The following GDPD1 variants were observed in gnomAD, a reference collection of about 807,000 sequenced individuals.
The protein encoded by GDPD1 is lysophospholipase D GDPD1.
A neutral mutation model predicts 45.1 loss-of-function variants in GDPD1; 28 were observed. That is an observed-to-expected ratio of 0.62 (90% CI 0.46 to 0.85). The LOEUF (loss-of-function observed/expected upper bound fraction) is 0.85, where lower values mean the gene tolerates loss of function less well. GDPD1 is among the 40% of genes least tolerant of loss of function. GDPD1 has a pLI of 0.00. For missense variants in GDPD1, 256 were observed against 364.8 expected, an observed-to-expected ratio of 0.70 and a Z score of 2.43; for synonymous variants, 139 against 131.4, an observed-to-expected ratio of 1.06 and a Z score of -0.40.
chr17:59,249,111 G>T (rs1415855249), intron 4 of GDPD1: 2 of 171,446 alleles, frequency 1.2e-5, no homozygotes, highest in South Asian at 1.6e-4. Context: ...AATGAAAAGG[G>T]CTGGGCACAG....
At chr17:59,247,910 G>GATTA (rs1424735438) in intron 3 of GDPD1, among the ~76,000 whole-genome samples, 1 of 152,060 alleles carries the variant, frequency 6.6e-6, no homozygotes, top group East Asian at 1.9e-4. Context: ...GATTATAGGG[G>GATTA]TGAGCCACTG....
At chr17:59,226,513 G>A (rs1239349274) in intron 1 of GDPD1, among the ~76,000 whole-genome samples, 1 of 152,016 alleles carries the variant, frequency 6.6e-6, no homozygotes. Context: ...TAATGTATTT[G>A]TTTCTGCATA....
intron 1 of GDPD1, among the ~76,000 whole-genome samples, chr17:59,222,165 A>G (rs1461608587): frequency 6.6e-6 from 1 of 152,058 alleles, no homozygotes; most frequent in African/African-American, 2.4e-5. Flanking sequence ...GCTGTCACAG[A>G]AGCAATTTTC....
chr17:59,233,667 A>G (rs771449313), intron 1 of GDPD1, among the ~76,000 whole-genome samples: 2 of 152,038 alleles, frequency 1.3e-5, no homozygotes, highest in Non-Finnish European at 2.9e-5. Flanking sequence ...TTATTTTTTC[A>G]TTGCATTAGT....
intron 2 of GDPD1, among the ~76,000 whole-genome samples, chr17:59,238,885 A>C (rs1441652808): frequency 6.6e-6 from 1 of 152,176 alleles, no homozygotes; most frequent in African/African-American, 2.4e-5. Context: ...AAGGAGACAG[A>C]GCCTCCTTCA....
At chr17:59,232,467 T>G (rs1483182337) in intron 1 of GDPD1, among the ~76,000 whole-genome samples, 1 of 151,818 alleles carries the variant, frequency 6.6e-6, no homozygotes, top group African/African-American at 2.4e-5. Flanking sequence ...AAAAAAAAAT[T>G]TGTCAGTACA....
intron 4 of GDPD1, among the ~76,000 whole-genome samples, chr17:59,250,613 CAAAAA>C (rs34031181): frequency 4.9e-5 from 5 of 102,274 alleles, no homozygotes; most frequent in Admixed American, 4.4e-4. Context: ...GACCTTGTCT[CAAAAA>C]AAAAAAAAAA....
chr17:59,252,554 C>T (rs1023958933), intron 4 of GDPD1, among the ~76,000 whole-genome samples: 4 of 151,796 alleles, frequency 2.6e-5, no homozygotes, highest in African/African-American at 9.7e-5. Context: ...AAAAATTAGC[C>T]AATTGTGGTG....
chr17:59,260,889 C>T (rs761810603), intron 6 of GDPD1: 10 of 152,218 alleles, frequency 6.6e-5, no homozygotes, highest in Non-Finnish European at 1.3e-4. Flanking sequence ...GGCAAGCCTT[C>T]CTTCCTAACA....
intron 1 of GDPD1, among the ~76,000 whole-genome samples, chr17:59,225,288 A>G (rs1271705070): frequency 6.6e-6 from 1 of 151,544 alleles, no homozygotes. Flanking sequence ...TATTTTTAGT[A>G]GAGATGGGTT....
chr17:59,268,310 C>T lies in GDPD1; in HGVS notation c.710+1136C>T, dbSNP rs1199837734. The stretch of plus-strand genomic sequence containing the variant: ...CACTTTTCATGGCCGGGCGCGGTGG[C>T]TCACGCCTGTAATCCCAGCACTTTG... On this transcript the variant is annotated intron_variant, in intron 7 of 9. Transcript: ENST00000284116. Among the ~76,000 whole-genome samples, 5 of 152,116 alleles carry T rather than the reference C, an allele frequency of 3.3e-5. No individual in the cohort carries two copies. In the East Asian group the frequency reaches 9.7e-4, roughly 30 times the overall value.
At chr17:59,255,698 G>A (rs561854088) in intron 4 of GDPD1, among the ~76,000 whole-genome samples, 130 of 125,320 alleles carry the variant, frequency 1.0e-3, no homozygotes, top group Non-Finnish European at 1.8e-3. Context: ...AGCCGAGATC[G>A]CACTATCGCA....
chr17:59,223,780 A>C (rs1404477094), intron 1 of GDPD1, among the ~76,000 whole-genome samples: 3 of 152,170 alleles, frequency 2.0e-5, no homozygotes, highest in African/African-American at 7.2e-5. Flanking sequence ...CTGCAAAAAC[A>C]CATGTCTGTA....
chr17:59,244,270 C>T (rs1241165080), intron 2 of GDPD1, among the ~76,000 whole-genome samples: 1 of 152,194 alleles, frequency 6.6e-6, no homozygotes, highest in Non-Finnish European at 1.5e-5. Flanking sequence ...CCTGCCGCTA[C>T]TTGGGAGGGG....
chr17:59,245,187 G>A (rs1020250571), intron 2 of GDPD1, among the ~76,000 whole-genome samples: 2 of 152,082 alleles, frequency 1.3e-5, no homozygotes, highest in African/African-American at 4.8e-5. Context: ...ATTATATTCA[G>A]TTGAAGAATT....
Position 59,220,542 on chromosome 17 carries a change from G to T in GDPD1, c.-68G>T. On this transcript the variant is annotated 5_prime_UTR_variant, in exon 1 of 10. Transcript: ENST00000284116. ...ACCTCGAGCAGCCGCCGCCGCCGCCGTCGTTGCTACTGCCGCAGCGGAGTT... is the reference window on the plus strand; with the variant it reads ...ACCTCGAGCAGCCGCCGCCGCCGCCTTCGTTGCTACTGCCGCAGCGGAGTT... 6.5e-7 allele frequency: 1 copy of T among 1,549,030 alleles called. No individual in the cohort carries two copies. Among genetic ancestry groups the T allele is most frequent in the Non-Finnish European group, 8.8e-7 (1 of 1,140,996 alleles).
chr17:59,251,635 T>C (rs1305172392), intron 4 of GDPD1, among the ~76,000 whole-genome samples: 2 of 152,176 alleles, frequency 1.3e-5, no homozygotes, highest in African/African-American at 2.4e-5. Context: ...ATTCATCTCA[T>C]GTCATAATTG....
At chr17:59,254,543 A>T (rs557055264) in intron 4 of GDPD1, among the ~76,000 whole-genome samples, 8 of 151,898 alleles carry the variant, frequency 5.3e-5, no homozygotes, top group Non-Finnish European at 1.0e-4. Flanking sequence ...ATATATATAC[A>T]TATATATATA....
intron 1 of GDPD1, among the ~76,000 whole-genome samples, chr17:59,223,324 T>C (rs1001519149): frequency 6.6e-6 from 1 of 152,208 alleles, no homozygotes; most frequent in Non-Finnish European, 1.5e-5. Context: ...TTTACCTATA[T>C]AATGGTCCTA....
Sources: allele counts gnomAD v4.1 joint callset (sites outside exome capture counted in the v4.1 genomes callset), GRCh38; gene constraint gnomAD v4.1.1; transcripts MANE v1.5; gene names NCBI Gene and HGNC (gene_info 2026-07-23, HGNC 2026-07-21).